PTK2: variants seen among roughly 807,000 people sequenced by gnomAD.
The protein encoded by PTK2 is focal adhesion kinase 1.
A neutral mutation model predicts 150.1 loss-of-function variants in PTK2; 45 were observed. The ratio of observed to expected loss-of-function variants is 0.30; its 90% CI spans 0.24 to 0.38. PTK2 has a LOEUF of 0.38. Ranked by LOEUF, PTK2 falls within the 10% of genes least tolerant of loss-of-function variation. The pLI, the probability that PTK2 is intolerant of heterozygous loss-of-function variation, is 1.00. For synonymous variants in PTK2, 432 were observed against 449.2 expected, an observed-to-expected ratio of 0.96 and a Z score of 0.48; for missense variants, 919 against 1,307.3, an observed-to-expected ratio of 0.70 and a Z score of 4.58.
At chr8:140,907,336 G>A (rs2100161342) in intron 2 of PTK2, among the ~76,000 whole-genome samples, 1 of 152,050 alleles carries the variant, frequency 6.6e-6, no homozygotes, top group Admixed American at 6.6e-5. Context: ...TATACTCACT[G>A]GTTGAACATC....
At chr8:140,813,709 A>C (rs2154601300) in intron 10 of PTK2, among the ~76,000 whole-genome samples, 1 of 152,272 alleles carries the variant, frequency 6.6e-6, no homozygotes, top group African/African-American at 2.4e-5. Context: ...TCAGTTTAAC[A>C]ACTTAAGATC....
intron 23 of PTK2, among the ~76,000 whole-genome samples, chr8:140,707,410 G>A (rs779282212): frequency 9.9e-5 from 15 of 152,126 alleles, no homozygotes; most frequent in East Asian, 1.9e-4. Flanking sequence ...AAAAAACATC[G>A]AATTGTACAA....
chr8:140,756,597 T>C (rs2100065904), intron 16 of PTK2, among the ~76,000 whole-genome samples: 1 of 150,256 alleles, frequency 6.7e-6, no homozygotes, highest in South Asian at 2.1e-4. Context: ...CTTGGGAGGC[T>C]GAGGCAGGAG....
At chr8:140,907,050 C>T (rs1384533755) in intron 2 of PTK2, among the ~76,000 whole-genome samples, 1 of 152,216 alleles carries the variant, frequency 6.6e-6, no homozygotes, top group Non-Finnish European at 1.5e-5. Flanking sequence ...ACTGTTTCCA[C>T]TATTTTCAGT....
chr8:140,750,850 C>A (rs1048449411), intron 17 of PTK2, among the ~76,000 whole-genome samples: 3 of 152,300 alleles, frequency 2.0e-5, no homozygotes, highest in Non-Finnish European at 4.4e-5. Flanking sequence ...CCCTGGGAGG[C>A]TGATGCAGGC....
At chr8:140,832,842 T>C in intron 7 of PTK2, 2 of 518,584 alleles carry the variant, frequency 3.9e-6, no homozygotes, top group Non-Finnish European at 7.7e-6. Flanking sequence ...TGCACGCCCT[T>C]CTAGTAGGGA....
intron 14 of PTK2, among the ~76,000 whole-genome samples, chr8:140,781,093 C>G (rs2100081401): frequency 6.6e-6 from 1 of 152,134 alleles, no homozygotes; most frequent in South Asian, 2.1e-4. Context: ...TTTTAATCCA[C>G]AATTATTGTA....
At chr8:140,877,527 G>A (rs1170917313) in intron 4 of PTK2, among the ~76,000 whole-genome samples, 2 of 152,068 alleles carry the variant, frequency 1.3e-5, no homozygotes, top group African/African-American at 2.4e-5. Context: ...AAATAAGAAC[G>A]ATAGTCTCTA....
At chr8:140,967,350 G>A (rs1281318182) in intron 1 of PTK2, among the ~76,000 whole-genome samples, 1 of 152,070 alleles carries the variant, frequency 6.6e-6, no homozygotes, top group Admixed American at 6.5e-5. Context: ...CAAATTATAA[G>A]TTATCTGGCT....
intron 7 of PTK2, among the ~76,000 whole-genome samples, chr8:140,844,833 CT>C (rs1221994510): frequency 6.6e-6 from 1 of 152,116 alleles, no homozygotes; most frequent in Non-Finnish European, 1.5e-5. Flanking sequence ...TTTATCTTTC[CT>C]TTTTCATTTT....
chr8:140,987,552 C>T (rs550433217), intron 1 of PTK2, among the ~76,000 whole-genome samples: 197 of 152,302 alleles, frequency 1.3e-3, no homozygotes, highest in African/African-American at 4.5e-3. Context: ...TAAGAAGATG[C>T]TCAACACTAT....
chr8:140,829,197 T>A (rs909331793), intron 8 of PTK2, among the ~76,000 whole-genome samples: 1 of 152,254 alleles, frequency 6.6e-6, no homozygotes, highest in Non-Finnish European at 1.5e-5. Context: ...CTTATTGCAT[T>A]TCTAGAATGC....
chr8:140,674,937 T>A (rs1231236316), intron 28 of PTK2, among the ~76,000 whole-genome samples: 1 of 141,178 alleles, frequency 7.1e-6, no homozygotes, highest in African/African-American at 2.6e-5. Context: ...CCAGGCATGG[T>A]GGTGTGCACC....
In PTK2 at chr8:140,744,779, AT is replaced by A. The variant is rs1296781123; in HGVS notation, c.1519-13del. The A allele has an allele frequency of 7.4e-7, 1 of 1,344,838 alleles. No homozygotes were observed. The highest frequency in any genetic ancestry group is 1.0e-6 in the Non-Finnish European group (1 of 962,514). 83.3% of individuals were successfully genotyped at this position (1,344,838 alleles called of 1,614,324 possible). ...AAAAATGACCTCAGCTTTTGGAACA[AT>A]GACCAAAAGAAAAAAAAAAAAAAAA... On this transcript the variant is annotated splice_polypyrimidine_tract_variant and intron_variant, in intron 18 of 31. Transcript: ENST00000522684.
chr8:140,822,874 T>G (rs2154602225), intron 8 of PTK2, among the ~76,000 whole-genome samples: 1 of 152,324 alleles, frequency 6.6e-6, no homozygotes, highest in Admixed American at 6.5e-5. Flanking sequence ...ATAATATGGA[T>G]GAATAAAATC....
At position 140,777,853 on chromosome 8, in the gene PTK2, G is replaced by A. The variant is rs541572418; in HGVS notation, c.1177+11621C>T. ...TTTCTGAACACGCGTTCTATGAAGA[G>A]TCAGGAAGCCTGACTATGTGTGGGC... On this transcript the variant is annotated intron_variant, in intron 14 of 31. Transcript: ENST00000522684. Among the ~76,000 whole-genome samples, 24 of 152,278 alleles carry A rather than the reference G, an allele frequency of 1.6e-4. No individual in the cohort carries two copies. In the East Asian group the frequency reaches 4.1e-3, roughly 26 times the overall value.
At chr8:140,997,195 G>T (rs541755380) in intron 1 of PTK2, among the ~76,000 whole-genome samples, 1 of 152,226 alleles carries the variant, frequency 6.6e-6, no homozygotes, top group South Asian at 2.1e-4. Context: ...TGACTGAATT[G>T]CTGCAATCTC....
Position 140,818,358 on chromosome 8 carries a change from T to C in PTK2, c.790-4A>G. 1 of 1,612,738 alleles carries C rather than the reference T, an allele frequency of 6.2e-7. No individual in the cohort carries two copies. ...CCACTGAAATAATCCAGCTTGACTT[T>C]TGAAGGTGAAACAAGTGAGAACAGA... On this transcript the variant is annotated splice_polypyrimidine_tract_variant and splice_region_variant and intron_variant, in intron 9 of 31. Coordinates refer to ENST00000522684, the Ensembl canonical transcript of PTK2.
chr8:140,935,769 C>A (rs567691220), intron 1 of PTK2, among the ~76,000 whole-genome samples: 14 of 138,040 alleles, frequency 1.0e-4, no homozygotes, highest in Admixed American at 6.7e-4. Context: ...CTCCTGGGTT[C>A]ATGCCACTCT....
Sources: allele counts gnomAD v4.1 joint callset (sites outside exome capture counted in the v4.1 genomes callset), GRCh38; gene constraint gnomAD v4.1.1; transcripts MANE v1.5; gene names NCBI Gene and HGNC (gene_info 2026-07-23, HGNC 2026-07-21).